The following WNK3 variants were observed in gnomAD, a reference collection of about 807,000 sequenced individuals.
WNK3 encodes serine/threonine-protein kinase WNK3.
WNK3 carries 18 observed loss-of-function variants against 116.7 expected under a neutral mutation model. The observed-to-expected ratio is 0.15, with a 90% confidence interval of 0.11 to 0.23. The LOEUF (loss-of-function observed/expected upper bound fraction) is 0.23, where lower values mean the gene tolerates loss of function less well. Ranked by LOEUF, WNK3 falls within the 10% of genes least tolerant of loss-of-function variation. The pLI, the probability that WNK3 is intolerant of heterozygous loss-of-function variation, is 1.00. For synonymous variants in WNK3, 404 were observed against 469.4 expected, an observed-to-expected ratio of 0.86 and a Z score of 1.80; for missense variants, 993 against 1,323.8, an observed-to-expected ratio of 0.75 and a Z score of 3.88.
chrX:54,294,275 C>T (rs1339127089), intron 8 of WNK3, among the ~76,000 whole-genome samples: 2 of 111,733 alleles, frequency 1.8e-5, no homozygotes, highest in Non-Finnish European at 3.8e-5. Context: ...GATTATGATC[C>T]TTCTGCAACT....
intron 2 of WNK3, among the ~76,000 whole-genome samples, chrX:54,332,813 C>T (rs1479675777): frequency 1.9e-5 from 2 of 103,129 alleles, no homozygotes; most frequent in Non-Finnish European, 3.9e-5. Context: ...TGCAGTGAGC[C>T]GAGACTGCAC....
At chrX:54,349,927 T>C (rs1557178247) in intron 1 of WNK3, among the ~76,000 whole-genome samples, 1 of 110,838 alleles carries the variant, frequency 9.0e-6, no homozygotes, top group African/African-American at 3.3e-5. Context: ...ACTAATGAAA[T>C]AGAACTAGTA....
At chrX:54,358,389 C>G (rs911041269), upstream of WNK3, among the ~76,000 whole-genome samples, 1 of 111,137 alleles carries the variant, frequency 9.0e-6, no homozygotes, top group Non-Finnish European at 1.9e-5. Flanking sequence ...CAAGCACACA[C>G]TACTTCCTAG....
chrX:54,350,239 C>G (rs2069495360), intron 1 of WNK3, among the ~76,000 whole-genome samples: 1 of 110,716 alleles, frequency 9.0e-6, no homozygotes, highest in Admixed American at 9.7e-5. Flanking sequence ...GAAACCCCGT[C>G]TCTACTAAAA....
At chrX:54,342,871 A>C (rs868968846) in intron 1 of WNK3, among the ~76,000 whole-genome samples, 2 of 109,044 alleles carry the variant, frequency 1.8e-5, no homozygotes, top group African/African-American at 6.7e-5. Flanking sequence ...TTTTTGAGAT[A>C]GGGCCTCACT....
chrX:54,224,527 T>C (rs1344828899), intron 22 of WNK3, among the ~76,000 whole-genome samples: 1 of 110,176 alleles, frequency 9.1e-6, no homozygotes, highest in African/African-American at 3.3e-5. Flanking sequence ...CAACGCAAAA[T>C]TGACAGAATT....
At chrX:54,271,716 T>G (rs782600294) in intron 10 of WNK3, among the ~76,000 whole-genome samples, 1 of 112,214 alleles carries the variant, frequency 8.9e-6, no homozygotes, top group African/African-American at 3.2e-5. Flanking sequence ...AAATACCTTA[T>G]CATGGTAATC....
rs1557141820 is a variant in WNK3, at chrX:54,202,200, G to T, written c.4871-7C>A. 8.5e-7 allele frequency: 1 copy of T among 1,176,638 alleles called. No homozygotes were observed. Among genetic ancestry groups the T allele is most frequent in the South Asian group, 1.9e-5 (1 of 52,354 alleles). On this transcript the variant is annotated splice_region_variant and splice_polypyrimidine_tract_variant and intron_variant, in intron 22 of 23. Coordinates refer to ENST00000354646, the Ensembl canonical transcript of WNK3. ...CTCTCCACACACAGTGGATCTATAA[G>T]ACAAAAAAAACAACAACAGGGAAAC...
At chrX:54,297,929 C>T (rs955288083) in intron 7 of WNK3, among the ~76,000 whole-genome samples, 2 of 109,704 alleles carry the variant, frequency 1.8e-5, no homozygotes, top group Non-Finnish European at 3.8e-5. Flanking sequence ...AAAAATTAGC[C>T]GGGCGTGGTG....
chrX:54,315,732 TACTA>T (rs1333865424), intron 2 of WNK3, among the ~76,000 whole-genome samples: 1 of 111,907 alleles, frequency 8.9e-6, no homozygotes, highest in Non-Finnish European at 1.9e-5. Flanking sequence ...TTATCGAGAC[TACTA>T]ATTCAAGTCA....
chrX:54,339,887 C>T (rs1329933540), intron 1 of WNK3, among the ~76,000 whole-genome samples: 2 of 111,802 alleles, frequency 1.8e-5, no homozygotes, highest in African/African-American at 3.2e-5. Context: ...CGGCTGGGCG[C>T]GGTGGCTCAC....
intron 10 of WNK3, among the ~76,000 whole-genome samples, chrX:54,284,159 G>T (rs2068553632): frequency 9.0e-6 from 1 of 111,317 alleles, no homozygotes; most frequent in Non-Finnish European, 1.9e-5. Context: ...TCTGACAAGG[G>T]ACTTGTATAA....
chrX:54,305,663 A>G (rs2068815659), intron 5 of WNK3, among the ~76,000 whole-genome samples: 1 of 110,670 alleles, frequency 9.0e-6, no homozygotes, highest in Non-Finnish European at 1.9e-5. Context: ...ACCCACCATT[A>G]TCAGTAGCTG....
intron 15 of WNK3, 118 bp from the exon 16 acceptor site, chrX:54,250,249 CT>C (rs2068115333): frequency 1.4e-6 from 1 of 701,990 alleles, no homozygotes; most frequent in Non-Finnish European, 2.0e-6. Context: ...TCTAATAGTA[CT>C]AGAATATATG....
chrX:54,275,012 T>TAAA, intron 10 of WNK3, among the ~76,000 whole-genome samples: 1 of 39,947 alleles, frequency 2.5e-5, no homozygotes, highest in East Asian at 8.8e-4. Context: ...CCCTGTCACA[T>TAAA]AAAAAAAAAA....
At chrX:54,304,109 C>T (rs1557168131) in intron 5 of WNK3, among the ~76,000 whole-genome samples, 1 of 111,869 alleles carries the variant, frequency 8.9e-6, no homozygotes, top group Non-Finnish European at 1.9e-5. Flanking sequence ...TTTTGCCAAC[C>T]TTGTTTCAGC....
At chrX:54,269,977 G>C (rs1307881621) in intron 10 of WNK3, among the ~76,000 whole-genome samples, 4 of 111,544 alleles carry the variant, frequency 3.6e-5, no homozygotes, top group Non-Finnish European at 7.5e-5. Context: ...ACATAGCATG[G>C]AAAATGTCTA....
chrX:54,353,651 G>A lies in WNK3; in HGVS notation c.-120+4035C>T, dbSNP rs936400458. Among the ~76,000 whole-genome samples, 5 of 107,356 alleles carry A rather than the reference G, an allele frequency of 4.7e-5. No homozygotes were observed. The South Asian group carries it at 1.3e-3, about 27-fold the overall frequency. The allele number at this position is 107,356 out of a possible 115,157, so 93.2% of individuals were successfully genotyped here. A position where few individuals can be genotyped will look rare whatever the true frequency, so the allele number is the denominator to read the frequency against. On this transcript the variant is annotated intron_variant, in intron 1 of 23. Coordinates refer to ENST00000354646, the Ensembl canonical transcript of WNK3. Reference sequence around the variant, plus strand: ...TATTCCAGCTACTCGGGAGGCTAAGGCAGGAGAATCATTTGAACTCAGGAG... The same window carrying A: ...TATTCCAGCTACTCGGGAGGCTAAGACAGGAGAATCATTTGAACTCAGGAG...
intron 7 of WNK3, among the ~76,000 whole-genome samples, chrX:54,297,238 G>A (rs1489904551): frequency 9.0e-6 from 1 of 111,274 alleles, no homozygotes; most frequent in Non-Finnish European, 1.9e-5. Flanking sequence ...AATATATTAT[G>A]CAGGTAAACT....
Sources: allele counts gnomAD v4.1 joint callset (sites outside exome capture counted in the v4.1 genomes callset), GRCh38; gene constraint gnomAD v4.1.1; transcripts MANE v1.5; gene names NCBI Gene and HGNC (gene_info 2026-07-23, HGNC 2026-07-21).